The following TTC39B variants were observed in gnomAD, a reference collection of about 807,000 sequenced individuals.
The protein encoded by TTC39B is tetratricopeptide repeat domain 39B.
TTC39B carries 92 observed loss-of-function variants against 96.6 expected under a neutral mutation model. The ratio of observed to expected loss-of-function variants is 0.95; its 90% confidence interval spans 0.80 to 1.13. TTC39B has a LOEUF of 1.13. Ranked by LOEUF, TTC39B falls within the 50% of genes most tolerant of loss-of-function variation. The pLI, the probability that TTC39B is intolerant of heterozygous loss-of-function variation, is 0.00. For missense variants in TTC39B, 955 were observed against 809.3 expected (o/e 1.18, Z -2.18); for synonymous variants, 367 against 299.4 (o/e 1.23, Z -2.33).
At chr9:15,221,989 G>C (rs917356893) in intron 3 of TTC39B, among the ~76,000 whole-genome samples, 5 of 152,214 alleles carry the variant, frequency 3.3e-5, no homozygotes, top group Non-Finnish European at 5.9e-5. Context: ...AAGCAACTAA[G>C]CCAGATCATT....
At chr9:15,232,170 C>T (rs1041007543) in intron 2 of TTC39B, 1 of 152,652 alleles carries the variant, frequency 6.6e-6, no homozygotes, top group Non-Finnish European at 1.5e-5. Flanking sequence ...AAATAAAAAT[C>T]AAGTATATAC....
chr9:15,197,012 T>A (rs1275633472), intron 8 of TTC39B, among the ~76,000 whole-genome samples: 1 of 152,216 alleles, frequency 6.6e-6, no homozygotes, highest in Admixed American at 6.5e-5. Context: ...GCTGAGATAA[T>A]TGTTAGCATT....
chr9:15,273,090 A>C (rs2131562683), intron 1 of TTC39B, among the ~76,000 whole-genome samples: 1 of 152,356 alleles, frequency 6.6e-6, no homozygotes, highest in African/African-American at 2.4e-5. Context: ...GAGTAGCAAA[A>C]ATGCATGCAA....
intron 8 of TTC39B, among the ~76,000 whole-genome samples, chr9:15,198,476 A>ATT (rs1409227488): frequency 6.0e-5 from 9 of 149,020 alleles, no homozygotes; most frequent in Non-Finnish European, 1.0e-4. Flanking sequence ...ATATATATAT[A>ATT]TATATATATA....
intron 15 of TTC39B, chr9:15,186,531 G>A (rs1440149364): frequency 6.5e-6 from 1 of 153,726 alleles, no homozygotes; most frequent in East Asian, 1.9e-4. Context: ...TTAATCTGCA[G>A]TGGAAGAAAG....
intron 2 of TTC39B, among the ~76,000 whole-genome samples, chr9:15,254,239 A>G (rs914060731): frequency 6.6e-6 from 1 of 151,700 alleles, no homozygotes; most frequent in African/African-American, 2.4e-5. Context: ...AGGTCTCAGA[A>G]CTGGGAAATG....
intron 1 of TTC39B, among the ~76,000 whole-genome samples, chr9:15,293,134 G>A (rs554945220): frequency 6.6e-6 from 1 of 152,180 alleles, no homozygotes; most frequent in African/African-American, 2.4e-5. Flanking sequence ...TCTATGTTTA[G>A]ATACACAAAT....
At chr9:15,282,117 G>C (rs1587003473) in intron 1 of TTC39B, among the ~76,000 whole-genome samples, 1 of 152,102 alleles carries the variant, frequency 6.6e-6, no homozygotes, top group South Asian at 2.1e-4. Context: ...ACTATCATAA[G>C]TAAAATGCTG....
exon 20 of TTC39B, chr9:15,170,126 T>C (rs1405976623): frequency 1.9e-5 from 1 of 53,148 alleles, no homozygotes; most frequent in Non-Finnish European, 3.6e-5. Flanking sequence ...TTAATTTTAT[T>C]TTCTATTTTG....
chr9:15,246,425 G>A (rs1216006244), intron 2 of TTC39B, among the ~76,000 whole-genome samples: 1 of 152,114 alleles, frequency 6.6e-6, no homozygotes, highest in Non-Finnish European at 1.5e-5. Flanking sequence ...GTATGACTCA[G>A]CTGGAAATAG....
intron 2 of TTC39B, among the ~76,000 whole-genome samples, chr9:15,245,426 T>C (rs556818675): frequency 9.3e-4 from 141 of 152,334 alleles, no homozygotes; most frequent in African/African-American, 3.1e-3. Context: ...CCATAGTTAA[T>C]GTGCTGTATT....
intron 1 of TTC39B, among the ~76,000 whole-genome samples, chr9:15,294,714 C>G (rs1824308768): frequency 6.6e-6 from 1 of 152,152 alleles, no homozygotes. Context: ...TGAGAGGTGA[C>G]TTATTTATCC....
rs149323006 is a variant in TTC39B at position 15,281,209 on chromosome 9, T to A, written c.241-13261A>T. ...CAACAACAACAACAAAAACCCACTG[T>A]GTGTGGTCTTGGGCAAGGTACTTCT... On this transcript the variant is annotated intron_variant, in intron 1 of 19. Coordinates refer to ENST00000512701, the Ensembl canonical transcript of TTC39B. Among the ~76,000 whole-genome samples, 102 of 152,202 alleles carry A rather than the reference T, an allele frequency of 6.7e-4. 2 individuals carry two copies. In the East Asian group the frequency reaches 0.015, roughly 22 times the overall value.
intron 8 of TTC39B, among the ~76,000 whole-genome samples, chr9:15,194,657 T>G (rs1412696705): frequency 1.3e-5 from 2 of 152,250 alleles, no homozygotes; most frequent in Non-Finnish European, 2.9e-5. Flanking sequence ...GTGCTCACTT[T>G]GTGTTTCAGG....
chr9:15,165,940 T>G (rs1335280675), exon 20 of TTC39B: 3 of 152,212 alleles, frequency 2.0e-5, no homozygotes, highest in Non-Finnish European at 4.4e-5. Flanking sequence ...TTATACTTAT[T>G]TTTTATTCAA....
chr9:15,208,984 G>T (rs895149485), intron 6 of TTC39B, among the ~76,000 whole-genome samples: 6 of 152,052 alleles, frequency 3.9e-5, no homozygotes, highest in Non-Finnish European at 7.4e-5. Flanking sequence ...ATCCAGAATT[G>T]CTCTTGCTCT....
intron 17 of TTC39B, among the ~76,000 whole-genome samples, chr9:15,180,932 T>C (rs1182949823): frequency 6.6e-6 from 1 of 152,128 alleles, no homozygotes; most frequent in East Asian, 1.9e-4. Context: ...AAGTATGGCA[T>C]GTCTGTCTGT....
chr9:15,261,477 A>T (rs1313886901), intron 2 of TTC39B, among the ~76,000 whole-genome samples: 1 of 152,114 alleles, frequency 6.6e-6, no homozygotes, highest in African/African-American at 2.4e-5. Context: ...CCTATCAAAA[A>T]AAAACAAAAA....
intron 2 of TTC39B, among the ~76,000 whole-genome samples, chr9:15,263,117 A>G (rs143461111): frequency 5.7e-4 from 87 of 152,258 alleles, no homozygotes; most frequent in African/African-American, 2.1e-3. Context: ...CAGCTTGCCA[A>G]CTGCAGAACT....
Sources: gnomAD v4.1 joint callset for allele counts (sites outside exome capture counted in the v4.1 genomes callset) on GRCh38, gnomAD v4.1.1 for gene constraint, MANE v1.5 for transcripts, NCBI Gene and HGNC (gene_info 2026-07-23, HGNC 2026-07-21) for gene names.